KCNK2: variants seen among roughly 807,000 people sequenced by gnomAD.
KCNK2 encodes the protein potassium two pore domain channel subfamily K member 2, also known as potassium channel subfamily K member 2.
KCNK2 carries 21 observed loss-of-function variants against 40.5 expected under a neutral mutation model. The ratio of observed to expected loss-of-function variants is 0.52; its 90% CI spans 0.37 to 0.75. The LOEUF is 0.75. Among genes scored for constraint, KCNK2 ranks in the 30% least tolerant of loss-of-function variants. KCNK2 has a pLI of 0.00. For synonymous variants in KCNK2, 191 were observed against 202.2 expected (o/e 0.94, Z 0.47); for missense variants, 399 against 531.6 (o/e 0.75, Z 2.45).
intron 1 of KCNK2, among the ~76,000 whole-genome samples, chr1:215,028,200 A>C (rs1364654361): frequency 1.3e-5 from 2 of 152,130 alleles, no homozygotes; most frequent in Non-Finnish European, 2.9e-5. Context: ...CAGCCTGGCC[A>C]ATGTGGTGAA....
intron 6 of KCNK2, among the ~76,000 whole-genome samples, chr1:215,230,576 AC>A (rs1436060254): frequency 1.4e-5 from 1 of 71,094 alleles, no homozygotes; most frequent in East Asian, 3.7e-4. Flanking sequence ...ATATATATAT[AC>A]AAGACCGTAA....
intron 3 of KCNK2, among the ~76,000 whole-genome samples, chr1:215,144,077 T>A (rs2102604290): frequency 6.6e-6 from 1 of 152,316 alleles, no homozygotes; most frequent in South Asian, 2.1e-4. Flanking sequence ...GAAAACCTTG[T>A]ATGATATTTA....
At chr1:215,156,912 G>T (rs1185375919) in intron 3 of KCNK2, among the ~76,000 whole-genome samples, 1 of 152,110 alleles carries the variant, frequency 6.6e-6, no homozygotes, top group Non-Finnish European at 1.5e-5. Context: ...TTAGCTGGGT[G>T]TGGTGGCTCG....
upstream of KCNK2, among the ~76,000 whole-genome samples, chr1:215,078,029 C>G (rs1253680931): frequency 6.6e-6 from 1 of 152,170 alleles, no homozygotes; most frequent in Non-Finnish European, 1.5e-5. Flanking sequence ...GGGTGTCCAG[C>G]CTTTTGGCTT....
At chr1:215,093,521 T>G (rs1363942937) in intron 2 of KCNK2, among the ~76,000 whole-genome samples, 1 of 112,520 alleles carries the variant, frequency 8.9e-6, no homozygotes, top group African/African-American at 3.6e-5. Flanking sequence ...ATATAGGATA[T>G]ATATAATATA....
intron 1 of KCNK2, among the ~76,000 whole-genome samples, chr1:215,026,680 T>C (rs1657012753): frequency 6.6e-6 from 1 of 152,062 alleles, no homozygotes; most frequent in Admixed American, 6.5e-5. Flanking sequence ...GATACCTGGT[T>C]AGGTAAATAT....
At chr1:215,064,974 G>T (rs1377183) in intron 1 of KCNK2, among the ~76,000 whole-genome samples, 2 of 151,898 alleles carry the variant, frequency 1.3e-5, no homozygotes, top group East Asian at 1.9e-4. Context: ...TGTCAAACAG[G>T]TTCATTTGTT....
intron 6 of KCNK2, among the ~76,000 whole-genome samples, chr1:215,199,772 A>C (rs1188091665): frequency 6.6e-6 from 1 of 152,214 alleles, no homozygotes; most frequent in African/African-American, 2.4e-5. Flanking sequence ...AGGGAGGCAT[A>C]ATAGAAATAA....
intron 3 of KCNK2, among the ~76,000 whole-genome samples, chr1:215,161,115 A>C (rs1663174149): frequency 6.6e-6 from 1 of 152,168 alleles, no homozygotes; most frequent in African/African-American, 2.4e-5. Flanking sequence ...TAAACATGTA[A>C]TAGGATCCAT....
At chr1:215,063,749 C>T (rs763794772) in intron 1 of KCNK2, among the ~76,000 whole-genome samples, 26 of 152,158 alleles carry the variant, frequency 1.7e-4, no homozygotes, top group Admixed American at 2.0e-4. Context: ...GCATAATACA[C>T]GGTACATTAG....
At chr1:215,090,428 G>A (rs933855131) in intron 2 of KCNK2, among the ~76,000 whole-genome samples, 3 of 152,160 alleles carry the variant, frequency 2.0e-5, no homozygotes, top group Non-Finnish European at 4.4e-5. Context: ...TTGATGTAAA[G>A]TTTCCTGTTA....
At chr1:215,179,770 T>G (rs539385305) in intron 5 of KCNK2, among the ~76,000 whole-genome samples, 20 of 152,248 alleles carry the variant, frequency 1.3e-4, no homozygotes, top group African/African-American at 4.3e-4. Context: ...GAGATTTGCT[T>G]TATGGCTGAG....
intron 2 of KCNK2, among the ~76,000 whole-genome samples, chr1:215,096,424 A>T (rs1167134473): frequency 6.6e-6 from 1 of 152,020 alleles, no homozygotes; most frequent in African/African-American, 2.4e-5. Context: ...CCAAGCATAC[A>T]GTGCATAATG....
chr1:215,100,232 G>T (rs972374721), intron 2 of KCNK2, among the ~76,000 whole-genome samples: 1 of 151,972 alleles, frequency 6.6e-6, no homozygotes, highest in African/African-American at 2.4e-5. Flanking sequence ...TGTTGTGTGT[G>T]TTCTCAACAG....
intron 1 of KCNK2, among the ~76,000 whole-genome samples, chr1:215,033,330 A>G (rs77157330): frequency 0.01 from 1,534 of 151,898 alleles, 25 homozygotes; most frequent in South Asian, 0.074. Flanking sequence ...CAAATTCCCA[A>G]TTTGATCATC....
intron 1 of KCNK2, among the ~76,000 whole-genome samples, chr1:215,074,947 A>G (rs574713089): frequency 6.6e-6 from 1 of 152,338 alleles, no homozygotes; most frequent in South Asian, 2.1e-4. Context: ...ACAGAGTATC[A>G]TTAAATAAAG....
chr1:215,182,328 T>C (rs1664252980), intron 5 of KCNK2, among the ~76,000 whole-genome samples: 1 of 151,480 alleles, frequency 6.6e-6, no homozygotes, highest in African/African-American at 2.4e-5. Flanking sequence ...AGGGTTGGAG[T>C]GGAGAGGGGT....
At chr1:215,143,609 G>A (rs1193035344) in intron 3 of KCNK2, among the ~76,000 whole-genome samples, 1 of 152,138 alleles carries the variant, frequency 6.6e-6, no homozygotes, top group Non-Finnish European at 1.5e-5. Context: ...ATTAAACAAT[G>A]TGCCTAATCA....
chr1:215,066,660 A>G (rs1658555869), intron 1 of KCNK2, among the ~76,000 whole-genome samples: 1 of 152,152 alleles, frequency 6.6e-6, no homozygotes, highest in Non-Finnish European at 1.5e-5. Context: ...CTTCCATGCA[A>G]TAGTCAGTAG....
Sources: gnomAD v4.1 joint callset for allele counts (sites outside exome capture counted in the v4.1 genomes callset) on GRCh38, gnomAD v4.1.1 for gene constraint, MANE v1.5 for transcripts, NCBI Gene and HGNC (gene_info 2026-07-23, HGNC 2026-07-21) for gene names.